The following IPO13 variants were observed in gnomAD, a reference collection of about 807,000 sequenced individuals.
IPO13 encodes importin 13.
A neutral mutation model predicts 115.5 loss-of-function variants in IPO13; 28 were observed. The observed-to-expected ratio is 0.24, with a 90% CI of 0.18 to 0.33. The LOEUF is 0.33. IPO13 is among the 10% of genes least tolerant of loss of function. The pLI is 1.00. For missense variants in IPO13, 785 were observed against 1,204.6 expected (o/e 0.65, Z 5.16); for synonymous variants, 414 against 478.9 (o/e 0.86, Z 1.77).
At position 43,957,460 on chromosome 1, in the gene IPO13, A is replaced by G. The variant is rs1256020770; in HGVS notation, c.1451A>G (p.Tyr484Cys). The G allele has an allele frequency of 2.5e-6, 4 of 1,614,054 alleles. No homozygotes were observed. Among genetic ancestry groups the G allele is most frequent in the African/African-American group, 1.3e-5 (1 of 74,900 alleles). ...ATCGCAGAGACCATTGACGTCAACT[A>G]TTCTGATGTGGTGCCTGGGCTCATT... The part of the protein sequence containing the change: ...QSIAETIDVN[Y>C]SDVVPGLIGL... The change falls in exon 7 of 20, where the codon TAT becomes TGT. Residue 484 changes from tyrosine (Y) to cysteine (C), a missense_variant. Tyr to Cys is a radical substitution (Grantham distance 194). Transcript: ENST00000372343.
Position 43,958,628 on chromosome 1 carries a change from T to C in IPO13, c.1884+33T>C. The C allele has an allele frequency of 6.2e-7, 1 of 1,612,236 alleles. No individual in the cohort carries two copies. The highest frequency in any genetic ancestry group is 8.5e-7 in the Non-Finnish European group (1 of 1,178,502). On this transcript the variant is annotated intron_variant, in intron 10 of 19. Coordinates refer to ENST00000372343, the MANE Select transcript of IPO13 (RefSeq NM_014652.4). The surrounding 1 kb of genome is among the most constrained non-coding windows in gnomAD (Gnocchi z 6.3). ...AGCTCTGGGGGCCAGGGAGCGGTAC[T>C]GAGATGCTGTGGCTGATGAGGGGTG...
In IPO13 at chr1:43,958,885, A is replaced by C; in HGVS notation, c.2024A>C (p.Asn675Thr). 1.2e-6 allele frequency: 2 copies of C among 1,613,306 alleles called. No individual in the cohort carries two copies. Among genetic ancestry groups the C allele is most frequent in the Non-Finnish European group, 1.7e-6 (2 of 1,179,594 alleles). ...LRKLPVPQGP[N>T]PVVVVLQQVF... The stretch of plus-strand genomic sequence containing the variant: ...AAGCTGCCAGTGCCACAGGGACCCA[A>C]CCCCGTGGGTGACATTTGCCCACGG... The change falls in exon 11 of 20, where the codon AAC becomes ACC. Residue 675 changes from asparagine (N) to threonine (T), a missense_variant. Asn to Thr is a moderately conservative substitution (Grantham distance 65, BLOSUM62 0). Coordinates refer to ENST00000372343, the MANE Select transcript of IPO13 (RefSeq NM_014652.4). The surrounding 1 kb of genome is among the most constrained non-coding windows in gnomAD (Gnocchi z 6.3).
chr1:43,949,775 G>A lies in IPO13; in HGVS notation c.443G>A (p.Arg148Gln), dbSNP rs768606187. ...AWPCAVADMV[R>Q]LFQAEDSPVD... ...CCATGTGCTGTGGCAGATATGGTACGACTCTTCCAGGCTGAGGACTCACCA... is the reference window on the plus strand; with the variant it reads ...CCATGTGCTGTGGCAGATATGGTACAACTCTTCCAGGCTGAGGACTCACCA... The change falls in exon 2 of 20, where the codon CGA becomes CAA. Residue 148 changes from arginine to glutamine, a missense_variant. Coordinates refer to ENST00000372343, the MANE Select transcript of IPO13 (RefSeq NM_014652.4). 2 of 1,614,164 alleles carry A rather than the reference G, an allele frequency of 1.2e-6. No individual in the cohort carries two copies. The highest frequency in any genetic ancestry group is 1.1e-5 in the South Asian group (1 of 91,078).
intron 1 of IPO13, 35 bp from the exon 2 acceptor site, chr1:43,949,382 G>A (rs759550114): frequency 1.3e-6 from 2 of 1,546,046 alleles, no homozygotes; most frequent in Non-Finnish European, 1.7e-6. Flanking sequence ...GATCCAGAGT[G>A]GCCAGCACCT....
rs1288992470 is a variant in IPO13 at position 43,966,616 on chromosome 1, G to A, written c.2439G>A (p.Leu813=). ...RKPDLFLCER[L]DVKAVFQCAV... ...CAGATTTGTTCCTGTGTGAACGATTGGATGTCAAAGCTGTGTTCCAGTGTG... is the reference window on the plus strand; with the variant it reads ...CAGATTTGTTCCTGTGTGAACGATTAGATGTCAAAGCTGTGTTCCAGTGTG... Residue 813 remains leucine (L), a synonymous_variant, in exon 16 of 20, where the codon TTG becomes TTA. Transcript: ENST00000372343. This position sits in a 1 kb window ranked among gnomAD's most constrained non-coding sequence, Gnocchi z 4.1. 6.2e-7 allele frequency: 1 copy of A among 1,614,226 alleles called. No homozygotes were observed. Among genetic ancestry groups the A allele is most frequent in the South Asian group, 1.1e-5 (1 of 91,092 alleles).
In IPO13 at chr1:43,967,371, C is replaced by T. The variant is rs563338901; in HGVS notation, c.2670C>T (p.Phe890=). ...TGGACTGCTTTGCCGATATCCTGTT[C>T]GCCCTGAACAAGCACTGCTTCAGCC... is the stretch of plus-strand genomic sequence containing the variant. ...SLMDCFADIL[F]ALNKHCFSLL... is the part of the protein sequence containing the mutation. Residue 890 remains phenylalanine, a synonymous_variant, in exon 19 of 20, where the codon TTC becomes TTT. Transcript: ENST00000372343. This position sits in a 1 kb window ranked among gnomAD's most constrained non-coding sequence, Gnocchi z 6.1. 41 of 1,614,028 alleles carry T rather than the reference C, an allele frequency of 2.5e-5. No individual in the cohort carries two copies. The highest frequency in any genetic ancestry group is 6.7e-5 in the African/African-American group (5 of 74,946).
Position 43,949,626 on chromosome 1 carries a change from T to C in IPO13, c.294T>C (p.Tyr98=), listed in dbSNP as rs1296974559. The C allele has an allele frequency of 6.8e-6, 11 of 1,614,102 alleles. No homozygotes were observed. The highest frequency in any genetic ancestry group is 8.5e-6 in the Non-Finnish European group (10 of 1,180,054). The stretch of plus-strand genomic sequence containing the variant: ...GGAGTGACATCCCCACTGACCAGTA[T>C]GAAAGCCTAAAGGCACAGCTCTTCA... ...RYWSDIPTDQ[Y]ESLKAQLFTQ... Residue 98 remains tyrosine, a synonymous_variant, in exon 2 of 20, where the codon TAT becomes TAC. Coordinates refer to ENST00000372343, the MANE Select transcript of IPO13 (RefSeq NM_014652.4).
chr1:43,958,728 G>T lies in IPO13; in HGVS notation c.1885-18G>T, dbSNP rs1254937312. On this transcript the variant is annotated intron_variant, in intron 10 of 19. Coordinates refer to ENST00000372343, the MANE Select transcript of IPO13 (RefSeq NM_014652.4). The surrounding 1 kb of genome is among the most constrained non-coding windows in gnomAD (Gnocchi z 6.3). ...CTGGGGCTGGGAGATCTGGAGCTTG[G>T]TTTGCTTCTCCCTGCAGCCCAATCC... is the stretch of plus-strand genomic sequence containing the variant. 5.6e-6 allele frequency: 9 copies of T among 1,613,906 alleles called. No homozygotes were observed. Among genetic ancestry groups the T allele is most frequent in the Non-Finnish European group, 7.6e-6 (9 of 1,179,952 alleles).
At chr1:43,953,599 A>C (rs1477001865) in intron 2 of IPO13, 1 of 152,194 alleles carries the variant, frequency 6.6e-6, no homozygotes, top group Non-Finnish European at 1.5e-5. Flanking sequence ...TCATCCAGGC[A>C]CGCCTTCCCC....
intron 1 of IPO13, 120 bp from the exon 2 acceptor site, chr1:43,949,297 C>A: frequency 9.2e-7 from 1 of 1,088,436 alleles, no homozygotes; most frequent in Non-Finnish European, 1.3e-6. Context: ...TGAGCTCTCC[C>A]TGCTCAGCCC....
At chr1:43,948,802 G>T (rs1304116179) in intron 1 of IPO13, among the ~76,000 whole-genome samples, 1 of 152,230 alleles carries the variant, frequency 6.6e-6, no homozygotes, top group East Asian at 1.9e-4. Context: ...CAGGGCTGCA[G>T]CTATGGCCAA....
rs752364832 is a variant in IPO13, at chr1:43,967,547, G to T, written c.2796-39G>T. On this transcript the variant is annotated intron_variant, in intron 19 of 19. Transcript: ENST00000372343. The surrounding 1 kb of genome is among the most constrained non-coding windows in gnomAD (Gnocchi z 6.1). ...GGTCAGGCAGAGAGGGGGCAGTGGT[G>T]GTGGCTGGTGCTAACCTGCTCTCCC... 28 of 1,614,070 alleles carry T rather than the reference G, an allele frequency of 1.7e-5. No individual in the cohort carries two copies. Among genetic ancestry groups the T allele is most frequent in the Non-Finnish European group, 2.4e-5 (28 of 1,179,922 alleles).
intron 2 of IPO13, among the ~76,000 whole-genome samples, chr1:43,955,614 T>A (rs2154302184): frequency 6.6e-6 from 1 of 152,316 alleles, no homozygotes; most frequent in South Asian, 2.1e-4. Flanking sequence ...TCCCTGTATG[T>A]CTCTGTCTTC....
rs2085331924 is a variant in IPO13 at position 43,967,261 on chromosome 1, CA to C, written c.2614-53del. On this transcript the variant is annotated intron_variant, in intron 18 of 19. Transcript: ENST00000372343. The surrounding 1 kb of genome is among the most constrained non-coding windows in gnomAD (Gnocchi z 6.1). ...AGAGGGCAGTTAGGCATTCTTGCTG[CA>C]GAAGCGGCGGAAGGGGCAACACCCT... The C allele has an allele frequency of 6.4e-7, 1 of 1,570,964 alleles. No individual in the cohort carries two copies. Among genetic ancestry groups the C allele is most frequent in the African/African-American group, 1.3e-5 (1 of 74,100 alleles).
At chr1:43,950,806 T>C (rs1040156008) in intron 2 of IPO13, among the ~76,000 whole-genome samples, 1 of 152,252 alleles carries the variant, frequency 6.6e-6, no homozygotes, top group Non-Finnish European at 1.5e-5. Context: ...TGCCTCAGCT[T>C]AAACTTCATT....
chr1:43,946,982 C>T lies in IPO13; in HGVS notation c.-619C>T, dbSNP rs1254148901. 2.5e-6 allele frequency: 1 copy of T among 398,560 alleles called. No homozygotes were observed. Among genetic ancestry groups the T allele is most frequent in the East Asian group, 3.6e-5 (1 of 28,070 alleles). 24.7% of individuals were successfully genotyped at this position (398,560 alleles called of 1,614,324 possible). On this transcript the variant is annotated 5_prime_UTR_variant, in exon 1 of 20. Coordinates refer to ENST00000372343, the MANE Select transcript of IPO13 (RefSeq NM_014652.4). ...TTGTCAGTCACTGGGGCGGAGGCAG[C>T]GGCTGTAGCGGGGCTGTAGCCGGGC...
chr1:43,961,135 C>T, intron 13 of IPO13, 31 bp from the exon 14 acceptor site: 1 of 1,609,918 alleles, frequency 6.2e-7, no homozygotes, highest in Non-Finnish European at 8.5e-7. Context: ...GACTGGGTCT[C>T]AGCTGACCAG....
Position 43,958,041 on chromosome 1 carries a change from G to T in IPO13, c.1605G>T (p.Leu535=). 6.2e-7 allele frequency: 1 copy of T among 1,614,154 alleles called. No individual in the cohort carries two copies. The highest frequency in any genetic ancestry group is 8.5e-7 in the Non-Finnish European group (1 of 1,180,010). ...VMINSVLPLV[L]HALGNPELSV... ...TCAACAGTGTTCTGCCCTTGGTACT[G>T]CATGCCCTAGGCAATCCTGAGCTGT... The change falls in exon 8 of 20, where the codon CTG becomes CTT. Residue 535 remains leucine, a synonymous_variant. Coordinates refer to ENST00000372343, the MANE Select transcript of IPO13 (RefSeq NM_014652.4). The surrounding 1 kb of genome is among the most constrained non-coding windows in gnomAD (Gnocchi z 6.3).
chr1:43,947,707 A>G, intron 1 of IPO13, 23 bp downstream of exon 1: 2 of 1,224,896 alleles, frequency 1.6e-6, no homozygotes, highest in Non-Finnish European at 2.1e-6. Flanking sequence ...TGGGGTGGGC[A>G]CTCCAGTGAC....
Sources: gnomAD v4.1 joint callset for allele counts (sites outside exome capture counted in the v4.1 genomes callset) on GRCh38, gnomAD v4.1.1 for gene constraint, Gnocchi (gnomAD v3.1) non-coding constraint, MANE v1.5 for transcripts, NCBI Gene and HGNC (gene_info 2026-07-23, HGNC 2026-07-21) for gene names.